UROS: variants seen among roughly 807,000 people sequenced by gnomAD.
The protein encoded by UROS is uroporphyrinogen III synthase, also known as uroporphyrinogen-III synthase.
A neutral mutation model predicts 33.0 loss-of-function variants in UROS; 18 were observed. The observed-to-expected ratio is 0.55, with a 90% CI of 0.38 to 0.81. UROS has a LOEUF of 0.81. Ranked by LOEUF, UROS falls within the 30% of genes least tolerant of loss-of-function variation. The probability of loss-of-function intolerance (pLI) is 0.00; values close to 1 mark genes in which losing one functional copy is unlikely to be tolerated. For synonymous variants in UROS, 114 were observed against 121.1 expected, an observed-to-expected ratio of 0.94 and a Z score of 0.38; for missense variants, 293 against 314.9, an observed-to-expected ratio of 0.93 and a Z score of 0.53.
chr10:125,812,118 G>C, intron 5 of UROS, 96 bp downstream of exon 5: 1 of 1,251,464 alleles, frequency 8.0e-7, no homozygotes, highest in East Asian at 2.5e-5. Context: ...AATTTAATAA[G>C]CAAAAAATAA....
In UROS at chr10:125,788,750, C is replaced by G; in HGVS notation, c.*118G>C. 6.9e-7 allele frequency: 1 copy of G among 1,456,554 alleles called. No individual in the cohort carries two copies. Among genetic ancestry groups the G allele is most frequent in the East Asian group, 2.5e-5 (1 of 40,172 alleles). 90.2% of individuals were successfully genotyped at this position (1,456,554 alleles called of 1,614,324 possible). On this transcript the variant is annotated 3_prime_UTR_variant, in exon 10 of 10. Coordinates refer to ENST00000368797, the MANE Select transcript of UROS (RefSeq NM_000375.3). ...TCCCCGGTCCTCAGGTGCTTCCACT[C>G]AGGCTTGAGGCAGGAGTCTGACGGC...
At chr10:125,814,741 C>G (rs929242303) in intron 4 of UROS, among the ~76,000 whole-genome samples, 1 of 152,136 alleles carries the variant, frequency 6.6e-6, no homozygotes, top group Non-Finnish European at 1.5e-5. Context: ...TTCATCATCT[C>G]TCTTTCAGGA....
At chr10:125,810,517 C>T in intron 5 of UROS, among the ~76,000 whole-genome samples, 1 of 152,184 alleles carries the variant, frequency 6.6e-6, no homozygotes, top group East Asian at 1.9e-4. Flanking sequence ...TACAGAGAAG[C>T]CCACTAAATC....
intron 1 of UROS, among the ~76,000 whole-genome samples, chr10:125,822,356 C>T (rs1854020848): frequency 6.6e-6 from 1 of 151,502 alleles, no homozygotes; most frequent in Non-Finnish European, 1.5e-5. Flanking sequence ...ACCTCTGTCG[C>T]CCAGGCTGGA....
In UROS at chr10:125,798,120, T is replaced by C. The variant is rs199603635; in HGVS notation, c.420A>G (p.Leu140=). The C allele has an allele frequency of 2.9e-5, 46 of 1,613,956 alleles. No homozygotes were observed. The Middle Eastern group carries it at 6.6e-4, about 23-fold the overall frequency. The change falls in exon 7 of 10, where the codon CTA becomes CTG. Residue 140 remains leucine (L), a synonymous_variant. Transcript: ENST00000368797. ...CSRESSALPL[L]FPCGNLKREI... ...CTCTTTTGAGGTTTCCACAGGGAAA[T>C]AGAAGAGGCAGTGCTGAGGACTCCC... is the stretch of plus-strand genomic sequence containing the variant.
At chr10:125,821,142 A>G (rs1853842497) in intron 1 of UROS, among the ~76,000 whole-genome samples, 1 of 152,250 alleles carries the variant, frequency 6.6e-6, no homozygotes, top group South Asian at 2.1e-4. Context: ...CTACATATAT[A>G]CCCCAAAGAA....
chr10:125,794,865 C>A lies in UROS; in HGVS notation c.660+15G>T, dbSNP rs1295017631. On this transcript the variant is annotated intron_variant, in intron 9 of 9. Transcript: ENST00000368797. ...AAGAATCTGAAAAAGACCAAAAGCT[C>A]ATTGAATAACTTACCTTAATTTGAT... The A allele has an allele frequency of 1.9e-6, 3 of 1,597,406 alleles. No individual in the cohort carries two copies. In the African/African-American group the frequency reaches 4.0e-5, roughly 21 times the overall value.
chr10:125,794,985 G>C lies in UROS; in HGVS notation c.562-7C>G. On this transcript the variant is annotated splice_polypyrimidine_tract_variant and splice_region_variant and intron_variant, in intron 8 of 9. Coordinates refer to ENST00000368797, the MANE Select transcript of UROS (RefSeq NM_000375.3). ...TGATGCTGGCTGGAACCCCCTGTGGGGAACAGAAAACAAGATCAGTCCTTG... is the reference window on the plus strand; with the variant it reads ...TGATGCTGGCTGGAACCCCCTGTGGCGAACAGAAAACAAGATCAGTCCTTG... 3 of 1,612,008 alleles carry C rather than the reference G, an allele frequency of 1.9e-6. No individual in the cohort carries two copies. In the South Asian group the frequency reaches 3.3e-5, roughly 18 times the overall value.
At position 125,823,213 on chromosome 10, in the gene UROS, C is replaced by G; in HGVS notation, c.-211G>C. 1 of 210,024 alleles carries G rather than the reference C, an allele frequency of 4.8e-6. No homozygotes were observed. Among genetic ancestry groups the G allele is most frequent in the Non-Finnish European group, 9.6e-6 (1 of 104,550 alleles). 13.0% of individuals were successfully genotyped at this position (210,024 alleles called of 1,614,324 possible). The stretch of plus-strand genomic sequence containing the variant: ...GGGCCCCAGGACCCCGCACCTCAGA[C>G]TGGGGTCGCGTGGGTGGCTGCGCGC... On this transcript the variant is annotated 5_prime_UTR_variant, in exon 1 of 10. Transcript: ENST00000368797.
chr10:125,812,773 G>A (rs1852926339), intron 4 of UROS, among the ~76,000 whole-genome samples: 1 of 152,020 alleles, frequency 6.6e-6, no homozygotes, highest in Non-Finnish European at 1.5e-5. Flanking sequence ...TTACACCAAA[G>A]TAAAAATAAT....
At chr10:125,789,471 C>G (rs962295973) in intron 9 of UROS, 3 of 738,264 alleles carry the variant, frequency 4.1e-6, no homozygotes, top group Non-Finnish European at 5.2e-6. Flanking sequence ...TAAATCCCAG[C>G]TCCACAGGAC....
At chr10:125,787,602 C>T (rs1191028129), downstream of UROS, among the ~76,000 whole-genome samples, 3 of 152,156 alleles carry the variant, frequency 2.0e-5, no homozygotes, top group African/African-American at 4.8e-5. Context: ...AAGCACATTA[C>T]GTGGTTCTGA....
intron 6 of UROS, among the ~76,000 whole-genome samples, chr10:125,804,993 T>C (rs917476087): frequency 6.6e-6 from 1 of 152,214 alleles, no homozygotes; most frequent in African/African-American, 2.4e-5. Context: ...CCGAACCATA[T>C]TGAACTGACT....
At chr10:125,797,937 G>T in intron 7 of UROS, 128 bp downstream of exon 7, 1 of 1,052,524 alleles carries the variant, frequency 9.5e-7, no homozygotes, top group Non-Finnish European at 1.5e-6. Flanking sequence ...GTGTCTCCTG[G>T]CCTGGCTTAT....
chr10:125,789,317 G>A, intron 9 of UROS: 1 of 1,307,504 alleles, frequency 7.6e-7, no homozygotes, highest in Non-Finnish European at 9.8e-7. Flanking sequence ...CTTCCTCAGA[G>A]GCTCTAGCTG....
chr10:125,788,842 C>A lies in UROS; in HGVS notation c.*26G>T. The A allele has an allele frequency of 6.4e-7, 1 of 1,563,832 alleles. No homozygotes were observed. Among genetic ancestry groups the A allele is most frequent in the South Asian group, 1.2e-5 (1 of 85,190 alleles). ...GAGCCAGCCCAGCCCAGGGAGGCTG[C>A]ATGGGGCCAGCGCTAGGTGGCTGAC... On this transcript the variant is annotated 3_prime_UTR_variant, in exon 10 of 10. Transcript: ENST00000368797.
chr10:125,821,997 T>C (rs544922889), intron 1 of UROS, among the ~76,000 whole-genome samples: 1 of 152,182 alleles, frequency 6.6e-6, no homozygotes, highest in Non-Finnish European at 1.5e-5. Flanking sequence ...CTCGTACTGA[T>C]GAAGGATCAC....
chr10:125,791,264 G>A (rs750735471), intron 9 of UROS, among the ~76,000 whole-genome samples: 1 of 152,068 alleles, frequency 6.6e-6, no homozygotes, highest in Non-Finnish European at 1.5e-5. Context: ...TAGTCATTAG[G>A]GAAATCGAAA....
At chr10:125,807,139 T>C in intron 6 of UROS, 1 of 459,332 alleles carries the variant, frequency 2.2e-6, no homozygotes, top group Non-Finnish European at 4.0e-6. Flanking sequence ...CCTCAAGTGA[T>C]CTCTCCACTG....
Sources: allele counts gnomAD v4.1 joint callset (sites outside exome capture counted in the v4.1 genomes callset), GRCh38; gene constraint gnomAD v4.1.1; transcripts MANE v1.5; gene names NCBI Gene and HGNC (gene_info 2026-07-23, HGNC 2026-07-21).